Variants in ADAMTS12 observed in about 807,000 individuals in gnomAD.
The protein encoded by ADAMTS12 is ADAM metallopeptidase with thrombospondin type 1 motif 12, also known as A disintegrin and metalloproteinase with thrombospondin motifs 12.
A neutral mutation model predicts 167.8 loss-of-function variants in ADAMTS12; 118 were observed. The ratio of observed to expected loss-of-function variants is 0.70; its 90% CI spans 0.61 to 0.82. The LOEUF (loss-of-function observed/expected upper bound fraction) is 0.82, where lower values mean the gene tolerates loss of function less well. Ranked by LOEUF, ADAMTS12 falls within the 40% of genes least tolerant of loss-of-function variation. ADAMTS12 has a pLI of 0.00. For missense variants in ADAMTS12, 1,916 were observed against 1,998.8 expected (o/e 0.96, Z 0.79); for synonymous variants, 704 against 716.9 (o/e 0.98, Z 0.29).
Position 33,588,829 on chromosome 5 carries a change from T to C in ADAMTS12, c.2655-20A>G, listed in dbSNP as rs1747493152. ...CACCACCTGCAGGCAAACATGGATA[T>C]GTGAGAGAAGATCGCCAACTTACGC... On this transcript the variant is annotated intron_variant, in intron 17 of 23. Coordinates refer to ENST00000504830, the MANE Select transcript of ADAMTS12 (RefSeq NM_030955.4). 1.2e-6 allele frequency: 2 copies of C among 1,611,226 alleles called. No individual in the cohort carries two copies. The highest frequency in any genetic ancestry group is 2.2e-5 in the East Asian group (1 of 44,858).
chr5:33,619,711 T>C (rs1739212922), intron 14 of ADAMTS12, among the ~76,000 whole-genome samples: 1 of 152,212 alleles, frequency 6.6e-6, no homozygotes, highest in Non-Finnish European at 1.5e-5. Context: ...ATTAATTTTT[T>C]TTGAGATGGA....
At chr5:33,556,778 A>T (rs976387202) in intron 20 of ADAMTS12, among the ~76,000 whole-genome samples, 1 of 152,200 alleles carries the variant, frequency 6.6e-6, no homozygotes, top group Admixed American at 6.5e-5. Flanking sequence ...CCAGAGAGAA[A>T]GAAAGAGTTA....
chr5:33,672,172 TAC>T (rs768067617), intron 5 of ADAMTS12, among the ~76,000 whole-genome samples: 1 of 139,298 alleles, frequency 7.2e-6, no homozygotes, highest in East Asian at 2.2e-4. Flanking sequence ...CATACACACA[TAC>T]ACACAGATCC....
At chr5:33,629,360 C>T (rs78395356) in intron 13 of ADAMTS12, among the ~76,000 whole-genome samples, 1 of 151,892 alleles carries the variant, frequency 6.6e-6, no homozygotes, top group South Asian at 2.1e-4. Context: ...AGTGGAAAAA[C>T]ATATTATAAA....
At chr5:33,607,785 C>T (rs1041951688) in intron 16 of ADAMTS12, among the ~76,000 whole-genome samples, 1 of 152,112 alleles carries the variant, frequency 6.6e-6, no homozygotes, top group Non-Finnish European at 1.5e-5. Flanking sequence ...AGGTATCAAT[C>T]CTCACATAAG....
chr5:33,577,230 A>C, intron 18 of ADAMTS12, 70 bp from the exon 19 acceptor site: 1 of 1,601,760 alleles, frequency 6.2e-7, no homozygotes. Flanking sequence ...GGTCTATAAC[A>C]GATCAAAACA....
chr5:33,803,746 G>A (rs1747109651), intron 2 of ADAMTS12, among the ~76,000 whole-genome samples: 1 of 152,182 alleles, frequency 6.6e-6, no homozygotes, highest in Non-Finnish European at 1.5e-5. Context: ...ATCTTACACG[G>A]CAGCAGGCAA....
chr5:33,821,603 G>A (rs997693371), intron 2 of ADAMTS12, among the ~76,000 whole-genome samples: 2 of 152,066 alleles, frequency 1.3e-5, no homozygotes, highest in South Asian at 2.1e-4. Flanking sequence ...AGCAGTACGT[G>A]ACTGAGGCAT....
At chr5:33,602,260 A>C (rs1738225140) in intron 16 of ADAMTS12, among the ~76,000 whole-genome samples, 1 of 152,202 alleles carries the variant, frequency 6.6e-6, no homozygotes, top group Admixed American at 6.5e-5. Flanking sequence ...TAAATAACAG[A>C]CCATTAGATT....
intron 5 of ADAMTS12, among the ~76,000 whole-genome samples, chr5:33,674,543 AAGTT>A (rs1189152784): frequency 1.3e-5 from 2 of 152,132 alleles, no homozygotes; most frequent in Non-Finnish European, 2.9e-5. Context: ...TCTGGGGCAA[AAGTT>A]GGACACGTTT....
At chr5:33,821,000 T>A (rs757241275) in intron 2 of ADAMTS12, among the ~76,000 whole-genome samples, 2 of 152,052 alleles carry the variant, frequency 1.3e-5, no homozygotes, top group Non-Finnish European at 2.9e-5. Flanking sequence ...AGGGAGAGGA[T>A]CAGGAAAAAT....
intron 2 of ADAMTS12, among the ~76,000 whole-genome samples, chr5:33,783,171 A>C (rs1385546045): frequency 6.6e-6 from 1 of 152,060 alleles, no homozygotes; most frequent in African/African-American, 2.4e-5. Context: ...GTTAAGAAAG[A>C]AACCAAAAGA....
At chr5:33,532,704 G>C (rs572559948) in intron 23 of ADAMTS12, among the ~76,000 whole-genome samples, 1 of 152,162 alleles carries the variant, frequency 6.6e-6, no homozygotes, top group Non-Finnish European at 1.5e-5. Flanking sequence ...GGAAATAATA[G>C]TTCCAATTTA....
chr5:33,541,554 GA>G (rs769971035), intron 22 of ADAMTS12, among the ~76,000 whole-genome samples: 2 of 152,190 alleles, frequency 1.3e-5, no homozygotes, highest in Non-Finnish European at 2.9e-5. Flanking sequence ...AGGCTGAAAT[GA>G]AGGAAAAAAT....
intron 20 of ADAMTS12, among the ~76,000 whole-genome samples, chr5:33,553,623 A>G (rs775547744): frequency 6.6e-6 from 1 of 152,226 alleles, no homozygotes; most frequent in Non-Finnish European, 1.5e-5. Context: ...ACAGAAAACC[A>G]AATACCACAT....
chr5:33,713,842 A>C (rs1462293085), intron 3 of ADAMTS12, among the ~76,000 whole-genome samples: 1 of 152,170 alleles, frequency 6.6e-6, no homozygotes, highest in African/African-American at 2.4e-5. Context: ...TGTCAATAGA[A>C]ATAAATCTAT....
chr5:33,661,222 A>G (rs1019106457), intron 6 of ADAMTS12, among the ~76,000 whole-genome samples: 2 of 152,240 alleles, frequency 1.3e-5, no homozygotes, highest in African/African-American at 2.4e-5. Flanking sequence ...AGTGCCTAGT[A>G]TATAGTAGGT....
intron 2 of ADAMTS12, among the ~76,000 whole-genome samples, chr5:33,867,771 T>TACAGTA (rs1383380194): frequency 6.6e-6 from 1 of 152,226 alleles, no homozygotes; most frequent in Non-Finnish European, 1.5e-5. Context: ...ACAGAATTTT[T>TACAGTA]TTATCTGCTT....
intron 3 of ADAMTS12, among the ~76,000 whole-genome samples, chr5:33,708,877 A>G (rs1172351507): frequency 6.6e-6 from 1 of 152,136 alleles, no homozygotes. Context: ...GCAAACCACC[A>G]TGGCACATGT....
Sources: allele counts gnomAD v4.1 joint callset (sites outside exome capture counted in the v4.1 genomes callset), GRCh38; gene constraint gnomAD v4.1.1; transcripts MANE v1.5; gene names NCBI Gene and HGNC (gene_info 2026-07-23, HGNC 2026-07-21).